The following SPTBN1 variants were observed in gnomAD, a reference collection of about 807,000 sequenced individuals.
SPTBN1 encodes the protein spectrin beta, non-erythrocytic 1.
In SPTBN1, 32 loss-of-function variants were observed where a neutral mutation model predicts 266.4. The observed-to-expected ratio is 0.12, with a 90% CI of 0.09 to 0.16. SPTBN1 has a LOEUF of 0.16. SPTBN1 is among the 10% of genes least tolerant of loss of function. The pLI is 1.00. For synonymous variants in SPTBN1, 1,336 were observed against 1,162.2 expected (o/e 1.15, Z -3.04); for missense variants, 2,296 against 3,067.1 (o/e 0.75, Z 5.94).
chr2:54,553,636 A>G (rs1672701497), intron 2 of SPTBN1, among the ~76,000 whole-genome samples: 1 of 152,246 alleles, frequency 6.6e-6, no homozygotes, highest in East Asian at 1.9e-4. Context: ...ACAAAACACA[A>G]TCCTATATGA....
intron 1 of SPTBN1, among the ~76,000 whole-genome samples, chr2:54,500,487 A>T (rs1669193267): frequency 6.6e-6 from 1 of 152,018 alleles, no homozygotes; most frequent in Admixed American, 6.6e-5. Context: ...TTTTTTGTTT[A>T]AGCTAGAAAG....
chr2:54,608,853 A>G (rs904934082), intron 3 of SPTBN1, among the ~76,000 whole-genome samples: 3 of 152,216 alleles, frequency 2.0e-5, no homozygotes, highest in Non-Finnish European at 4.4e-5. Context: ...TAAACAGTCA[A>G]TTAACATATT....
chr2:54,485,803 C>T (rs1299134409), intron 1 of SPTBN1, among the ~76,000 whole-genome samples: 2 of 151,270 alleles, frequency 1.3e-5, no homozygotes, highest in East Asian at 2.0e-4. Context: ...TCTGCCCGGC[C>T]GCCCGTCGTC....
chr2:54,661,480 T>A, intron 32 of SPTBN1: 1 of 985,858 alleles, frequency 1.0e-6, no homozygotes, highest in Non-Finnish European at 1.2e-6. Flanking sequence ...TAGCATCTTG[T>A]TTGTTTTTCC....
chr2:54,556,662 G>T (rs1376312346), intron 2 of SPTBN1, among the ~76,000 whole-genome samples: 4 of 147,274 alleles, frequency 2.7e-5, no homozygotes, highest in African/African-American at 7.6e-5. Flanking sequence ...TTCTCTTGTA[G>T]TCTTGATGTG....
chr2:54,498,795 G>T (rs1009931122), intron 1 of SPTBN1, among the ~76,000 whole-genome samples: 3 of 152,140 alleles, frequency 2.0e-5, no homozygotes, highest in Admixed American at 6.5e-5. Flanking sequence ...TCTGGAGCCC[G>T]TACTTTATGC....
chr2:54,635,378 G>A (rs1258486166), intron 17 of SPTBN1, among the ~76,000 whole-genome samples: 5 of 152,340 alleles, frequency 3.3e-5, no homozygotes, highest in Admixed American at 3.3e-4. Context: ...GTGTGGCTGT[G>A]TTTCACACCA....
intron 3 of SPTBN1, among the ~76,000 whole-genome samples, chr2:54,601,155 T>C (rs1440245736): frequency 1.3e-5 from 2 of 152,188 alleles, no homozygotes; most frequent in Non-Finnish European, 2.9e-5. Flanking sequence ...GGCTACCATC[T>C]CCAACCTCTT....
chr2:54,532,627 G>GT (rs1289329970), intron 2 of SPTBN1, among the ~76,000 whole-genome samples: 1 of 152,186 alleles, frequency 6.6e-6, no homozygotes, highest in Non-Finnish European at 1.5e-5. Flanking sequence ...CAGTGAAGTA[G>GT]TTTTTATGTT....
At chr2:54,602,167 A>G (rs1366789704) in intron 3 of SPTBN1, among the ~76,000 whole-genome samples, 1 of 152,208 alleles carries the variant, frequency 6.6e-6, no homozygotes, top group African/African-American at 2.4e-5. Flanking sequence ...TTCTGAGTTC[A>G]CTATAGTCTA....
At chr2:54,574,000 A>G (rs1442998435) in intron 2 of SPTBN1, among the ~76,000 whole-genome samples, 3 of 152,170 alleles carry the variant, frequency 2.0e-5, no homozygotes, top group Admixed American at 1.3e-4. Context: ...TGAACCCCGT[A>G]TGGAAAATAC....
intron 30 of SPTBN1, 122 bp from the exon 31 acceptor site, chr2:54,659,031 CT>C (rs1202556625): frequency 1.1e-6 from 1 of 923,592 alleles, no homozygotes; most frequent in African/African-American, 1.6e-5. Flanking sequence ...GATGTTAGAG[CT>C]TCTTGTCCAG....
intron 17 of SPTBN1, among the ~76,000 whole-genome samples, chr2:54,637,007 G>T (rs1183924578): frequency 6.6e-6 from 1 of 152,238 alleles, no homozygotes; most frequent in Non-Finnish European, 1.5e-5. Flanking sequence ...GTTTGCCAAA[G>T]AGTGCTGGCA....
intron 17 of SPTBN1, among the ~76,000 whole-genome samples, chr2:54,633,716 A>G (rs1391431537): frequency 2.6e-5 from 4 of 152,198 alleles, no homozygotes; most frequent in Admixed American, 2.0e-4. Context: ...CTGGCCTTCA[A>G]GTGTGTTGGA....
intron 1 of SPTBN1, among the ~76,000 whole-genome samples, chr2:54,461,441 C>T (rs1284488452): frequency 2.0e-5 from 3 of 152,150 alleles, no homozygotes; most frequent in Non-Finnish European, 2.9e-5. Flanking sequence ...TATGTGGAGG[C>T]ACACACACCC....
chr2:54,661,017 T>C (rs1681004705), intron 32 of SPTBN1: 1 of 985,450 alleles, frequency 1.0e-6, no homozygotes, highest in Non-Finnish European at 1.2e-6. Context: ...AACGTTGCAC[T>C]TGGTGGACCG....
rs1681265956 is a variant in SPTBN1, at chr2:54,664,753, G to T, written c.6659+62G>T. 8 of 1,531,980 alleles carry T rather than the reference G, an allele frequency of 5.2e-6. No homozygotes were observed. The highest frequency in any genetic ancestry group is 7.2e-6 in the Non-Finnish European group (8 of 1,116,440). 94.9% of individuals were successfully genotyped at this position (1,531,980 alleles called of 1,614,324 possible). A position where few individuals can be genotyped will look rare whatever the true frequency, so the allele number is the denominator to read the frequency against. ...GTCAGCCTGTGAAGGGATAAGGCGG[G>T]CCACTCTTGAATTGGAAGAGAAGTA... On this transcript the variant is annotated intron_variant, in intron 33 of 35. Transcript: ENST00000356805. The surrounding 1 kb of genome is among the most constrained non-coding windows in gnomAD (Gnocchi z 5.6).
intron 2 of SPTBN1, among the ~76,000 whole-genome samples, chr2:54,536,468 A>AT (rs1671607177): frequency 6.6e-6 from 1 of 152,172 alleles, no homozygotes; most frequent in Non-Finnish European, 1.5e-5. Flanking sequence ...GTTGCATTTG[A>AT]TTTTTGATAC....
intron 29 of SPTBN1, among the ~76,000 whole-genome samples, chr2:54,656,298 T>G (rs1415471722): frequency 6.6e-6 from 1 of 152,200 alleles, no homozygotes; most frequent in Non-Finnish European, 1.5e-5. Context: ...CCCATTTGTC[T>G]TCAAGAATTC....
Sources: allele counts gnomAD v4.1 joint callset (sites outside exome capture counted in the v4.1 genomes callset), GRCh38; gene constraint gnomAD v4.1.1; non-coding constraint Gnocchi (gnomAD v3.1); transcripts MANE v1.5; gene names NCBI Gene and HGNC (gene_info 2026-07-23, HGNC 2026-07-21).